CACNA1C: variants seen among roughly 807,000 people sequenced by gnomAD.
The protein encoded by CACNA1C is calcium voltage-gated channel subunit alpha1 C.
A neutral mutation model predicts 229.0 loss-of-function variants in CACNA1C; 30 were observed. The observed-to-expected ratio is 0.13, with a 90% CI of 0.10 to 0.18. CACNA1C has a LOEUF of 0.18. Ranked by LOEUF, CACNA1C falls within the 10% of genes least tolerant of loss-of-function variation. The probability of loss-of-function intolerance (pLI) is 1.00; values close to 1 mark genes in which losing one functional copy is unlikely to be tolerated. For missense variants in CACNA1C, 1,658 were observed against 2,845.0 expected (o/e 0.58, Z 9.49); for synonymous variants, 1,114 against 1,132.5 (o/e 0.98, Z 0.33).
At chr12:2,075,339 A>G (rs556613326) in intron 1 of CACNA1C, among the ~76,000 whole-genome samples, 121 of 152,222 alleles carry the variant, frequency 7.9e-4, no homozygotes, top group Middle Eastern at 3.4e-3. Context: ...CCCATACTCT[A>G]TCTTGTTTAA....
At chr12:2,588,625 C>G (rs1353291841) in intron 18 of CACNA1C, among the ~76,000 whole-genome samples, 1 of 152,182 alleles carries the variant, frequency 6.6e-6, no homozygotes, top group African/African-American at 2.4e-5. Flanking sequence ...AAGGGGCCAT[C>G]GAGGCCAGCC....
At position 2,566,495 on chromosome 12, in the gene CACNA1C, T is replaced by G. The variant is rs755846732; in HGVS notation, c.1582T>G (p.Trp528Gly). The G allele has an allele frequency of 4.4e-6, 7 of 1,594,824 alleles. No individual in the cohort carries two copies. The highest frequency in any genetic ancestry group is 6.0e-6 in the Non-Finnish European group (7 of 1,170,712). Residue 528 changes from tryptophan to glycine, a missense_variant, in exon 12 of 47, where the codon TGG becomes GGG. This residue lies in a region of CACNA1C where 149 missense variants were observed against 194.2 expected (regional missense o/e 0.77). Coordinates refer to ENST00000399655, the MANE Select transcript of CACNA1C (RefSeq NM_000719.7). This position sits in a 1 kb window ranked among gnomAD's most constrained non-coding sequence, Gnocchi z 4.0. Reference sequence around the variant, plus strand: ...CGCAGTCAAGTCTAATGTCTTCTACTGGCTGGTGATTTTCCTGGTGTTCCT... The same window carrying G: ...CGCAGTCAAGTCTAATGTCTTCTACGGGCTGGTGATTTTCCTGGTGTTCCT... ...RAAVKSNVFY[W>G]LVIFLVFLNT...
In CACNA1C at chr12:2,504,955, A is replaced by C. The variant is rs751874167; in HGVS notation, c.1217+10A>C. 25 of 1,342,372 alleles carry C rather than the reference A, an allele frequency of 1.9e-5. No individual in the cohort carries two copies. The highest frequency in any genetic ancestry group is 3.6e-4 in the Middle Eastern group (2 of 5,566). 83.2% of individuals were successfully genotyped at this position (1,342,372 alleles called of 1,614,324 possible). A position where few individuals can be genotyped will look rare whatever the true frequency, so the allele number is the denominator to read the frequency against. On this transcript the variant is annotated intron_variant, in intron 8 of 46. Transcript: ENST00000399655. This position sits in a 1 kb window ranked among gnomAD's most constrained non-coding sequence, Gnocchi z 6.8. ...TCGGTGTGCTTAGCGGGTAAGCAGG[A>C]CCAAGGAAAAAGGTCTTGATTTTTC...
At chr12:2,164,359 C>G (rs1332152273) in intron 3 of CACNA1C, among the ~76,000 whole-genome samples, 4 of 152,194 alleles carry the variant, frequency 2.6e-5, no homozygotes, top group Non-Finnish European at 5.9e-5. Context: ...ACCTGGGAAC[C>G]CAGAGACCAG....
At position 2,633,527 on chromosome 12, in the gene CACNA1C, C is replaced by T; in HGVS notation, c.3829-770C>T. Reference sequence around the variant, plus strand: ...AGGGCGTCCGGAACTCCAGAGGCAACACGGAGGTGCCTGGACGATGATTCT... The same window carrying T: ...AGGGCGTCCGGAACTCCAGAGGCAATACGGAGGTGCCTGGACGATGATTCT... On this transcript the variant is annotated intron_variant, in intron 29 of 46. Coordinates refer to ENST00000399655, the MANE Select transcript of CACNA1C (RefSeq NM_000719.7). The surrounding 1 kb of genome is among the most constrained non-coding windows in gnomAD (Gnocchi z 5.8). The T allele has an allele frequency of 2.6e-6, 2 of 773,872 alleles. No individual in the cohort carries two copies. Among genetic ancestry groups the T allele is most frequent in the Non-Finnish European group, 2.3e-6 (1 of 433,504 alleles). The allele number at this position is 773,872 out of a possible 1,614,324, so 47.9% of individuals were successfully genotyped here.
At chr12:2,562,206 G>A (rs1359483113) in intron 11 of CACNA1C, among the ~76,000 whole-genome samples, 3 of 151,998 alleles carry the variant, frequency 2.0e-5, no homozygotes, top group Non-Finnish European at 2.9e-5. Flanking sequence ...AGACCCATGG[G>A]ACCAGCCTGA....
chr12:2,380,476 G>C (rs2098211156), intron 3 of CACNA1C, among the ~76,000 whole-genome samples: 1 of 152,198 alleles, frequency 6.6e-6, no homozygotes, highest in Non-Finnish European at 1.5e-5. Context: ...TGTGTGTTTA[G>C]GTGGTAGCAA....
At chr12:2,580,789 C>A (rs1022594480) in intron 13 of CACNA1C, among the ~76,000 whole-genome samples, 17 of 152,228 alleles carry the variant, frequency 1.1e-4, no homozygotes, top group Non-Finnish European at 1.9e-4. Context: ...CTCCTGCCCA[C>A]TCAGAGGACT....
At chr12:2,272,676 T>C (rs931855445) in intron 3 of CACNA1C, among the ~76,000 whole-genome samples, 3 of 152,218 alleles carry the variant, frequency 2.0e-5, no homozygotes, top group Non-Finnish European at 4.4e-5. Context: ...GTTGTTCTTC[T>C]CACCCCATCA....
chr12:2,143,342 T>C lies in CACNA1C; in HGVS notation c.477+22912T>C, dbSNP rs150862924. 3.0e-4 allele frequency among the ~76,000 whole-genome samples: 46 copies of C among 151,270 alleles called. 1 individual carries two copies. Among genetic ancestry groups the C allele is most frequent in the African/African-American group, 9.9e-4 (41 of 41,472 alleles). ...TAAAGTCGACAGTAGTGTCCTGTAA[T>C]GTCCTAGGCCCTCAAATTCACTCAC... On this transcript the variant is annotated intron_variant, in intron 3 of 46. Coordinates refer to ENST00000399655, the MANE Select transcript of CACNA1C (RefSeq NM_000719.7).
rs1261902819 is a variant in CACNA1C, at chr12:2,275,918, C to T, written c.477+155488C>T. On this transcript the variant is annotated intron_variant, in intron 3 of 46. Coordinates refer to ENST00000399655, the MANE Select transcript of CACNA1C (RefSeq NM_000719.7). The surrounding 1 kb of genome is among the most constrained non-coding windows in gnomAD (Gnocchi z 4.1). ...TCATCAAGCCCAGTTACAGTCATCC[C>T]TTGGTGTCTGTGGGGAGACTGATTC... Among the ~76,000 whole-genome samples, 1 of 152,218 alleles carries T rather than the reference C, an allele frequency of 6.6e-6. No homozygotes were observed. The highest frequency in any genetic ancestry group is 2.1e-4 in the South Asian group (1 of 4,822).
intron 29 of CACNA1C, among the ~76,000 whole-genome samples, chr12:2,628,706 A>T (rs186483515): frequency 6.6e-6 from 1 of 151,844 alleles, no homozygotes; most frequent in East Asian, 2.0e-4. Context: ...CAGGAGTTCC[A>T]GACCAGCCTG....
chr12:2,581,918 A>T lies in CACNA1C; in HGVS notation c.2103+121A>T. On this transcript the variant is annotated intron_variant, in intron 14 of 46. Coordinates refer to ENST00000399655, the MANE Select transcript of CACNA1C (RefSeq NM_000719.7). ...CACAGCCATCCTAGATCAGCCCTGG[A>T]GAGCCCATGCCCGGGAGAGTCTTGA... is the stretch of plus-strand genomic sequence containing the variant. 4.9e-6 allele frequency: 3 copies of T among 613,736 alleles called. No homozygotes were observed. The South Asian group carries it at 6.9e-5, about 14-fold the overall frequency. 38.0% of individuals were successfully genotyped at this position (613,736 alleles called of 1,614,324 possible). A position where few individuals can be genotyped will look rare whatever the true frequency, so the allele number is the denominator to read the frequency against.
chr12:2,139,431 AGCAGCG>A (rs2093912513), intron 3 of CACNA1C, among the ~76,000 whole-genome samples: 1 of 151,208 alleles, frequency 6.6e-6, no homozygotes, highest in Admixed American at 6.7e-5. Context: ...AGCTCTCACC[AGCAGCG>A]AGCCCTGTGC....
rs144857612 is a variant in CACNA1C at position 2,149,935 on chromosome 12, G to A, written c.477+29505G>A. On this transcript the variant is annotated intron_variant, in intron 3 of 46. Coordinates refer to ENST00000399655, the MANE Select transcript of CACNA1C (RefSeq NM_000719.7). ...AAACTGGAATTATGAGTCAAGACTG[G>A]GCAGGAAGCAGGAAGCAAGGATGAG... Among the ~76,000 whole-genome samples the A allele has an allele frequency of 1.2e-3, 180 of 152,284 alleles. 1 individual carries two copies. Among genetic ancestry groups the A allele is most frequent in the African/African-American group, 4.0e-3 (168 of 41,556 alleles).
intron 1 of CACNA1C, among the ~76,000 whole-genome samples, chr12:1,997,495 C>A (rs1230138408): frequency 6.6e-6 from 1 of 152,140 alleles, no homozygotes; most frequent in Non-Finnish European, 1.5e-5. Context: ...CCACTGCACT[C>A]CAGCCTTGGT....
chr12:2,576,654 A>G (rs1005086154), intron 13 of CACNA1C, among the ~76,000 whole-genome samples: 31 of 152,164 alleles, frequency 2.0e-4, no homozygotes, highest in African/African-American at 6.0e-4. Flanking sequence ...ATAGGAGGCC[A>G]TCATCCAATC....
intron 3 of CACNA1C, among the ~76,000 whole-genome samples, chr12:2,219,573 G>T (rs1011352572): frequency 6.6e-6 from 1 of 152,190 alleles, no homozygotes; most frequent in African/African-American, 2.4e-5. Context: ...AAGTAGAAAA[G>T]AACAAATATA....
chr12:2,457,568 C>A lies in CACNA1C; in HGVS notation c.619C>A (p.Leu207Ile). 6.2e-7 allele frequency: 1 copy of A among 1,611,032 alleles called. No homozygotes were observed. Among genetic ancestry groups the A allele is most frequent in the Non-Finnish European group, 8.5e-7 (1 of 1,178,524 alleles). ...CCTTCTCTCTTTCCTCTCTTCTAGG[C>A]TTTTTAGTGCAATTTTAGAACAAGC... Reference protein sequence around the residue: ...LLDFIIVVVGLFSAILEQATK... With the variant: ...LLDFIIVVVGIFSAILEQATK... Residue 207 changes from leucine to isoleucine, a missense_variant and splice_region_variant, in exon 5 of 47, where the codon CTT (leucine) becomes ATT (isoleucine). By Grantham distance (5) the Leu-to-Ile change is conservative. Transcript: ENST00000399655.
Sources: gnomAD v4.1 joint callset for allele counts (sites outside exome capture counted in the v4.1 genomes callset) on GRCh38, gnomAD v4.1.1 for gene constraint, gnomAD v4.1.1 regional missense constraint, Gnocchi (gnomAD v3.1) non-coding constraint, MANE v1.5 for transcripts, NCBI Gene and HGNC (gene_info 2026-07-23, HGNC 2026-07-21) for gene names.